FAP: variants seen among roughly 807,000 people sequenced by gnomAD.
FAP encodes the protein fibroblast activation protein alpha.
FAP carries 110 observed loss-of-function variants against 126.5 expected under a neutral mutation model. The observed-to-expected ratio is 0.87, with a 90% CI of 0.74 to 1.02. The LOEUF (loss-of-function observed/expected upper bound fraction) is 1.02, where lower values mean the gene tolerates loss of function less well. Ranked by LOEUF, FAP falls within the 50% of genes least tolerant of loss-of-function variation. The probability of loss-of-function intolerance (pLI) is 0.00; values close to 1 mark genes in which losing one functional copy is unlikely to be tolerated. For missense variants in FAP, 919 were observed against 909.2 expected (o/e 1.01, Z -0.14); for synonymous variants, 334 against 297.3 (o/e 1.12, Z -1.27).
rs1687892775 is a variant in FAP at position 162,187,251 on chromosome 2, T to A, written c.1814+918A>T. 3.3e-5 allele frequency among the ~76,000 whole-genome samples: 5 copies of A among 152,210 alleles called. No homozygotes were observed. In the South Asian group the frequency reaches 1.0e-3, roughly 32 times the overall value. ...ATTCTGCATGTTGCAGTGAAATCAT[T>A]AAGTATTAATAACATTAAGGGGATA... On this transcript the variant is annotated intron_variant, in intron 20 of 25. Coordinates refer to ENST00000188790, the MANE Select transcript of FAP (RefSeq NM_004460.5).
chr2:162,241,131 C>T (rs1271811273), intron 2 of FAP, among the ~76,000 whole-genome samples: 1 of 152,136 alleles, frequency 6.6e-6, no homozygotes, highest in African/African-American at 2.4e-5. Context: ...CAACAGTTCT[C>T]ACCTTATTTA....
At chr2:162,202,058 T>G (rs1688520108) in intron 14 of FAP, among the ~76,000 whole-genome samples, 1 of 152,260 alleles carries the variant, frequency 6.6e-6, no homozygotes, top group South Asian at 2.1e-4. Flanking sequence ...GAGCCTGGAC[T>G]AATGGTCCTC....
At chr2:162,198,179 G>A (rs1688334293) in intron 16 of FAP, 5 of 1,287,334 alleles carry the variant, frequency 3.9e-6, no homozygotes, top group Non-Finnish European at 5.1e-6. Context: ...CATTACTTAC[G>A]ATGTTTTCCA....
intron 2 of FAP, among the ~76,000 whole-genome samples, chr2:162,237,326 C>T (rs1352127617): frequency 2.6e-5 from 4 of 152,258 alleles, no homozygotes; most frequent in South Asian, 2.1e-4. Flanking sequence ...CCCATCAACC[C>T]GTCATCTACA....
intron 21 of FAP, among the ~76,000 whole-genome samples, chr2:162,179,424 A>G (rs1687606548): frequency 1.3e-5 from 2 of 152,158 alleles, no homozygotes; most frequent in Non-Finnish European, 2.9e-5. Context: ...AAACAACATC[A>G]TAGATGCTTG....
At chr2:162,190,432 TTCTC>T (rs1026869173) in intron 17 of FAP, among the ~76,000 whole-genome samples, 8 of 151,900 alleles carry the variant, frequency 5.3e-5, no homozygotes, top group African/African-American at 1.9e-4. Flanking sequence ...ACTATGCTCT[TTCTC>T]TGTCTTAAAT....
In FAP at chr2:162,219,156, A is replaced by G. The variant is rs190198917; in HGVS notation, c.514T>C (p.Leu172=). Residue 172 remains leucine, a synonymous_variant, in exon 8 of 26, where the codon TTG becomes CTG. Transcript: ENST00000188790. ...GGTGGATCTCCTGGTCTTTGTTTCAAATAGATATTGTTTTGATAGACATAT... is the reference window on the plus strand; with the variant it reads ...GGTGGATCTCCTGGTCTTTGTTTCAGATAGATATTGTTTTGATAGACATAT... The part of the protein sequence containing the change: ...LAYVYQNNIY[L]KQRPGDPPFQ... 31 of 1,607,702 alleles carry G rather than the reference A, an allele frequency of 1.9e-5. No individual in the cohort carries two copies. The East Asian group carries it at 6.7e-4, about 35-fold the overall frequency.
In FAP at chr2:162,173,156, T is replaced by A; in HGVS notation, c.2100A>T (p.Thr700=). 6.2e-7 allele frequency: 1 copy of A among 1,612,628 alleles called. No individual in the cohort carries two copies. The highest frequency in any genetic ancestry group is 8.5e-7 in the Non-Finnish European group (1 of 1,178,742). ...RNVDYLLIHG[T]ADDNVHFQNS... ...GTCTTGCTTAAACCTCACCATCTGC[T>A]GTTCCGTGGATGAGAAGATAGTCTA... Residue 700 remains threonine, a synonymous_variant, in exon 24 of 26, where the codon ACA becomes ACT. Coordinates refer to ENST00000188790, the MANE Select transcript of FAP (RefSeq NM_004460.5).
chr2:162,208,261 A>AC (rs1261310836), intron 12 of FAP, among the ~76,000 whole-genome samples: 1 of 152,010 alleles, frequency 6.6e-6, no homozygotes, highest in Non-Finnish European at 1.5e-5. Flanking sequence ...TCTTAAAAAA[A>AC]AAAAAAAGGT....
At position 162,188,163 on chromosome 2, in the gene FAP, G is replaced by C; in HGVS notation, c.1814+6C>G. The C allele has an allele frequency of 6.2e-7, 1 of 1,609,658 alleles. No homozygotes were observed. The highest frequency in any genetic ancestry group is 1.1e-5 in the South Asian group (1 of 90,758). ...TTGACATCTGCTTGAATGAGAAGGT[G>C]CTCACCTGACAGCTGTAATCTGGTC... On this transcript the variant is annotated splice_donor_region_variant and intron_variant, in intron 20 of 25. Transcript: ENST00000188790.
chr2:162,213,657 A>G (rs1453541857), intron 11 of FAP, among the ~76,000 whole-genome samples: 1 of 152,132 alleles, frequency 6.6e-6, no homozygotes, highest in Non-Finnish European at 1.5e-5. Flanking sequence ...GTTTACCATT[A>G]TAATTGAGAA....
intron 12 of FAP, among the ~76,000 whole-genome samples, chr2:162,204,169 G>A (rs1688608406): frequency 6.6e-6 from 1 of 152,204 alleles, no homozygotes; most frequent in Admixed American, 6.5e-5. Context: ...CTATCCTGGT[G>A]AGACCTAATG....
chr2:162,174,376 A>C (rs1164204874), intron 22 of FAP, among the ~76,000 whole-genome samples: 1 of 152,192 alleles, frequency 6.6e-6, no homozygotes, highest in Non-Finnish European at 1.5e-5. Flanking sequence ...ATTCCTTCCA[A>C]ATAATCATCC....
rs759505076 is a variant in FAP at position 162,219,939 on chromosome 2, A to T, written c.414-14T>A. 1.9e-6 allele frequency: 3 copies of T among 1,589,962 alleles called. No homozygotes were observed. The African/African-American group carries it at 4.0e-5, about 21-fold the overall frequency. ...CTTACAAATTCTCTAGAAGGAAAGA[A>T]AGAAAGAAAAACAACAAACCTTGCT... On this transcript the variant is annotated splice_polypyrimidine_tract_variant and intron_variant, in intron 6 of 25. Transcript: ENST00000188790.
At chr2:162,224,342 T>C in intron 5 of FAP, 124 bp downstream of exon 5, 2 of 614,972 alleles carry the variant, frequency 3.3e-6, no homozygotes, top group South Asian at 2.0e-5. Context: ...CTGAAGATTA[T>C]TGGTGACGAG....
At chr2:162,178,125 TC>T (rs1687550625) in intron 21 of FAP, among the ~76,000 whole-genome samples, 1 of 152,184 alleles carries the variant, frequency 6.6e-6, no homozygotes. Context: ...TACTTTTACA[TC>T]GTTGATCACA....
At chr2:162,175,025 T>C (rs961928034) in intron 21 of FAP, 59 bp from the exon 22 acceptor site, 25 of 1,209,872 alleles carry the variant, frequency 2.1e-5, no homozygotes, top group Non-Finnish European at 2.9e-5. Context: ...TTCCTCCATA[T>C]GTTTATAGCA....
chr2:162,203,198 T>C (rs1688566397), intron 12 of FAP, 53 bp from the exon 13 acceptor site: 1 of 1,240,206 alleles, frequency 8.1e-7, no homozygotes, highest in South Asian at 1.3e-5. Flanking sequence ...ACTAAAACCA[T>C]AGATTTTGTT....
At chr2:162,203,227 G>C in intron 12 of FAP, 82 bp from the exon 13 acceptor site, 1 of 793,700 alleles carries the variant, frequency 1.3e-6, no homozygotes, top group South Asian at 1.7e-5. Flanking sequence ...TAAAAGCGAC[G>C]TATGGTCATA....
Sources: gnomAD v4.1 joint callset for allele counts (sites outside exome capture counted in the v4.1 genomes callset) on GRCh38, gnomAD v4.1.1 for gene constraint, MANE v1.5 for transcripts, NCBI Gene and HGNC (gene_info 2026-07-23, HGNC 2026-07-21) for gene names.